Variants in CA10 observed in about 807,000 individuals in gnomAD.
CA10 encodes carbonic anhydrase-related protein 10.
In CA10, 14 loss-of-function variants were observed where a neutral mutation model predicts 44.2. That is an observed-to-expected ratio of 0.32 (90% confidence interval 0.21 to 0.50). CA10 has a LOEUF of 0.50. CA10 is among the 20% of genes least tolerant of loss of function. The probability of loss-of-function intolerance (pLI) is 0.99; values close to 1 mark genes in which losing one functional copy is unlikely to be tolerated. For synonymous variants in CA10, 159 were observed against 141.6 expected (o/e 1.12, Z -0.87); for missense variants, 350 against 409.7 (o/e 0.85, Z 1.26).
chr17:51,653,921 C>T (rs1472751697), intron 4 of CA10, among the ~76,000 whole-genome samples, 185 bp from the exon 5 acceptor site: 1 of 152,200 alleles, frequency 6.6e-6, no homozygotes, highest in Middle Eastern at 3.2e-3. Flanking sequence ...TGTACACGCA[C>T]ACAAAAATAC....
intron 3 of CA10, among the ~76,000 whole-genome samples, chr17:51,849,130 TA>T (rs1355430959): frequency 6.9e-6 from 1 of 144,464 alleles, no homozygotes; most frequent in Non-Finnish European, 1.5e-5. Context: ...TATATAAATA[TA>T]AAAACTTAGT....
Position 51,785,386 on chromosome 17 carries a change from C to T in CA10, c.280-37568G>A, listed in dbSNP as rs544593559. On this transcript the variant is annotated intron_variant, in intron 3 of 8. Coordinates refer to ENST00000451037, the MANE Select transcript of CA10 (RefSeq NM_020178.5). ...TGAATAGACATTTCTCAAAAGAAGACATACAAATAGTAAATAGAAATATAA... is the reference window on the plus strand; with the variant it reads ...TGAATAGACATTTCTCAAAAGAAGATATACAAATAGTAAATAGAAATATAA... 2.0e-5 allele frequency among the ~76,000 whole-genome samples: 3 copies of T among 152,270 alleles called. No individual in the cohort carries two copies. The South Asian group carries it at 6.2e-4, about 32-fold the overall frequency.
At chr17:51,919,080 G>A (rs1982120911) in intron 3 of CA10, among the ~76,000 whole-genome samples, 1 of 152,078 alleles carries the variant, frequency 6.6e-6, no homozygotes, top group Non-Finnish European at 1.5e-5. Context: ...CAGAAACCAA[G>A]CTTAGAAGAA....
intron 3 of CA10, among the ~76,000 whole-genome samples, chr17:51,861,246 C>T (rs1164244369): frequency 6.6e-6 from 1 of 152,094 alleles, no homozygotes; most frequent in Non-Finnish European, 1.5e-5. Context: ...GCTGGCCTCG[C>T]TTTTTCATTC....
At chr17:52,146,319 G>A (rs1332686337) in intron 1 of CA10, among the ~76,000 whole-genome samples, 2 of 152,182 alleles carry the variant, frequency 1.3e-5, no homozygotes, top group Non-Finnish European at 2.9e-5. Flanking sequence ...CACCACTTTG[G>A]GAGGCCAAGG....
chr17:51,647,807 A>C (rs1459165035), intron 6 of CA10, among the ~76,000 whole-genome samples: 1 of 152,226 alleles, frequency 6.6e-6, no homozygotes, highest in Non-Finnish European at 1.5e-5. Flanking sequence ...TATCTCCCTT[A>C]GCTGAGCAAT....
At chr17:51,819,337 C>T (rs1284079740) in intron 3 of CA10, among the ~76,000 whole-genome samples, 2 of 152,196 alleles carry the variant, frequency 1.3e-5, no homozygotes, top group Non-Finnish European at 2.9e-5. Flanking sequence ...TTGGGGCAGC[C>T]TCCTTCCTGG....
chr17:51,859,859 G>C (rs977209666), intron 3 of CA10, among the ~76,000 whole-genome samples: 13 of 152,192 alleles, frequency 8.5e-5, no homozygotes, highest in African/African-American at 3.1e-4. Flanking sequence ...GAATTCTGAG[G>C]GTTTCTGTGG....
At chr17:51,978,262 G>T (rs1438653450) in intron 2 of CA10, among the ~76,000 whole-genome samples, 3 of 151,938 alleles carry the variant, frequency 2.0e-5, no homozygotes, top group African/African-American at 7.3e-5. Context: ...TTACCGTAAA[G>T]CTTCAGTAAT....
intron 2 of CA10, among the ~76,000 whole-genome samples, chr17:52,033,342 G>A (rs1158036909): frequency 6.6e-6 from 1 of 152,148 alleles, no homozygotes; most frequent in Non-Finnish European, 1.5e-5. Flanking sequence ...TCCATGTATA[G>A]GTAGAACTAA....
At chr17:51,924,808 T>C (rs1440198538) in intron 3 of CA10, among the ~76,000 whole-genome samples, 1 of 152,088 alleles carries the variant, frequency 6.6e-6, no homozygotes, top group Non-Finnish European at 1.5e-5. Flanking sequence ...TTATAAACGG[T>C]CCCTCTATGA....
chr17:52,131,149 T>G (rs1020299657), intron 1 of CA10, among the ~76,000 whole-genome samples: 1 of 151,942 alleles, frequency 6.6e-6, no homozygotes, highest in Non-Finnish European at 1.5e-5. Flanking sequence ...TGTTTGGCAT[T>G]ACCCCAAAGT....
At chr17:52,112,107 A>C (rs574693945) in intron 1 of CA10, among the ~76,000 whole-genome samples, 1 of 152,256 alleles carries the variant, frequency 6.6e-6, no homozygotes, top group African/African-American at 2.4e-5. Flanking sequence ...CATGTGTGTA[A>C]AACAAGTGGA....
chr17:52,144,618 C>T (rs2970055), intron 1 of CA10, among the ~76,000 whole-genome samples: 35,415 of 152,062 alleles, frequency 0.23, 4,666 homozygotes, highest in East Asian at 0.4. Flanking sequence ...TAAAATATTC[C>T]CCAAACATTC....
At chr17:52,098,591 G>T (rs1402767827) in intron 1 of CA10, among the ~76,000 whole-genome samples, 1 of 152,092 alleles carries the variant, frequency 6.6e-6, no homozygotes, top group Non-Finnish European at 1.5e-5. Context: ...GTCTTTTTAG[G>T]AAGAGCAAAA....
intron 1 of CA10, among the ~76,000 whole-genome samples, chr17:52,140,128 G>A (rs1989445237): frequency 6.6e-6 from 1 of 152,152 alleles, no homozygotes; most frequent in African/African-American, 2.4e-5. Context: ...GAAATTTGGG[G>A]AGTGATAAAA....
intron 4 of CA10, among the ~76,000 whole-genome samples, chr17:51,737,916 G>T (rs994800415): frequency 2.6e-4 from 40 of 152,240 alleles, no homozygotes; most frequent in African/African-American, 9.4e-4. Flanking sequence ...GCTGGTATTT[G>T]GGAATGGATA....
Position 51,968,768 on chromosome 17 carries a change from AT to A in CA10, c.137-37637del, listed in dbSNP as rs1232389690. Among the ~76,000 whole-genome samples the A allele has an allele frequency of 1.1e-4, 16 of 152,078 alleles. No individual in the cohort carries two copies. In the East Asian group the frequency reaches 3.1e-3, roughly 29 times the overall value. ...ATTAGCTTCTACATTGTAATCTAAGATTTTAAACTCAAATTTGTATTTATGT... is the reference window on the plus strand; with the variant it reads ...ATTAGCTTCTACATTGTAATCTAAGATTTAAACTCAAATTTGTATTTATGT... On this transcript the variant is annotated intron_variant, in intron 2 of 8. Transcript: ENST00000451037.
At chr17:51,861,502 AG>A (rs1979305520) in intron 3 of CA10, among the ~76,000 whole-genome samples, 1 of 151,566 alleles carries the variant, frequency 6.6e-6, no homozygotes, top group Admixed American at 6.6e-5. Flanking sequence ...AAACCTGCTG[AG>A]TTTGATAAAA....
Sources: gnomAD v4.1 joint callset for allele counts (sites outside exome capture counted in the v4.1 genomes callset) on GRCh38, gnomAD v4.1.1 for gene constraint, MANE v1.5 for transcripts, NCBI Gene and HGNC (gene_info 2026-07-23, HGNC 2026-07-21) for gene names.